OPA1: variants seen among roughly 807,000 people sequenced by gnomAD.
OPA1 encodes dynamin-like GTPase OPA1, mitochondrial.
In OPA1, 59 loss-of-function variants were observed where a neutral mutation model predicts 152.9. The ratio of observed to expected loss-of-function variants is 0.39; its 90% CI spans 0.31 to 0.48. OPA1 has a LOEUF of 0.48. Among genes scored for constraint, OPA1 ranks in the 20% least tolerant of loss-of-function variants. The probability of loss-of-function intolerance (pLI) is 0.96; values close to 1 mark genes in which losing one functional copy is unlikely to be tolerated. For missense variants in OPA1, 1,008 were observed against 1,216.8 expected, an observed-to-expected ratio of 0.83 and a Z score of 2.55; for synonymous variants, 400 against 389.9, an observed-to-expected ratio of 1.03 and a Z score of -0.31.
At chr3:193,651,154 A>G (rs1712335198) in intron 21 of OPA1, among the ~76,000 whole-genome samples, 1 of 152,204 alleles carries the variant, frequency 6.6e-6, no homozygotes, top group South Asian at 2.1e-4. Flanking sequence ...TCAGAAGCTT[A>G]GTGTGTATTC....
At chr3:193,614,560 A>C (rs1011686097) in intron 1 of OPA1, among the ~76,000 whole-genome samples, 163 bp from the exon 2 acceptor site, 2 of 152,224 alleles carry the variant, frequency 1.3e-5, no homozygotes, top group African/African-American at 4.8e-5. Flanking sequence ...TACTGTAACC[A>C]TGTCTGGCAC....
intron 22 of OPA1, among the ~76,000 whole-genome samples, chr3:193,656,722 A>G (rs1011570601): frequency 6.6e-6 from 1 of 152,218 alleles, no homozygotes; most frequent in African/African-American, 2.4e-5. Context: ...CAGCTACAGT[A>G]GGTGGTGTCA....
intron 1 of OPA1, among the ~76,000 whole-genome samples, chr3:193,599,335 C>T (rs1726100847): frequency 6.6e-6 from 1 of 152,132 alleles, no homozygotes; most frequent in African/African-American, 2.4e-5. Context: ...GCCTTCTATG[C>T]CAGCTCCTTG....
intron 29 of OPA1, among the ~76,000 whole-genome samples, chr3:193,688,444 C>CTTTTTTT (rs1560079327): frequency 5.2e-5 from 2 of 38,540 alleles, no homozygotes. Context: ...TGAAATGGGT[C>CTTTTTTT]TTTTCTTTTT....
At chr3:193,648,510 G>A (rs763496153) in intron 20 of OPA1, 1 of 395,596 alleles carries the variant, frequency 2.5e-6, no homozygotes, top group Non-Finnish European at 4.6e-6. Context: ...AGTTACTGAT[G>A]TACTAAATTA....
Position 193,659,496 on chromosome 3 carries a change from G to A in OPA1, c.2455G>A (p.Glu819Lys). 6.2e-7 allele frequency: 1 copy of A among 1,610,572 alleles called. No individual in the cohort carries two copies. Among genetic ancestry groups the A allele is most frequent in the South Asian group, 1.1e-5 (1 of 90,600 alleles). ...TTTTTTTCTAGCTGAAAATGCAATT[G>A]AAAACATGGTGGGTCCAGACTGGAA... ...ARLKDTENAI[E>K]NMVGPDWKKR... is the part of the protein sequence containing the mutation. Residue 819 changes from glutamate (E) to lysine (K), a missense_variant, in exon 25 of 31, where the codon GAA (glutamate) becomes AAA (lysine). Glu to Lys is a moderately conservative substitution (Grantham distance 56, BLOSUM62 1). This residue lies in a region of OPA1 where 229 missense variants were observed against 269.0 expected (regional missense o/e 0.85). Coordinates refer to ENST00000361510, the MANE Select transcript of OPA1 (RefSeq NM_130837.3).
intron 29 of OPA1, among the ~76,000 whole-genome samples, chr3:193,676,842 G>C: frequency 6.6e-6 from 1 of 152,030 alleles, no homozygotes. Flanking sequence ...TTAGCCAGGC[G>C]TGGTGGCGGG....
intron 1 of OPA1, among the ~76,000 whole-genome samples, chr3:193,597,704 AAAAAAG>A (rs1392293742): frequency 5.3e-5 from 8 of 151,666 alleles, no homozygotes; most frequent in Non-Finnish European, 1.0e-4. Flanking sequence ...AAAAAAAAAA[AAAAAAG>A]AAATGGAAAT....
intron 30 of OPA1, among the ~76,000 whole-genome samples, chr3:193,694,386 C>A (rs1722062633): frequency 6.6e-6 from 1 of 152,064 alleles, no homozygotes; most frequent in African/African-American, 2.4e-5. Context: ...TACACAGATT[C>A]TTCTTCAATT....
chr3:193,609,338 T>C (rs1727810275), intron 1 of OPA1, among the ~76,000 whole-genome samples: 1 of 152,250 alleles, frequency 6.6e-6, no homozygotes, highest in South Asian at 2.1e-4. Context: ...TTGAAAATTC[T>C]TTTCTTTAAG....
chr3:193,647,989 G>A lies in OPA1; in HGVS notation c.1871-81G>A. ...CTCTCAGAAATTCAGTTAATACAGAGGATATGTATTTTAACCACTTTAACC... is the reference window on the plus strand; with the variant it reads ...CTCTCAGAAATTCAGTTAATACAGAAGATATGTATTTTAACCACTTTAACC... On this transcript the variant is annotated intron_variant, in intron 19 of 30. Transcript: ENST00000361510. The A allele has an allele frequency of 3.2e-6, 3 of 935,708 alleles. No homozygotes were observed. The East Asian group carries it at 7.3e-5, about 23-fold the overall frequency. 58.0% of individuals were successfully genotyped at this position (935,708 alleles called of 1,614,324 possible). A position where few individuals can be genotyped will look rare whatever the true frequency, so the allele number is the denominator to read the frequency against.
At chr3:193,604,001 A>C (rs1017459274) in intron 1 of OPA1, among the ~76,000 whole-genome samples, 4 of 152,224 alleles carry the variant, frequency 2.6e-5, no homozygotes, top group Non-Finnish European at 5.9e-5. Context: ...ATAAGATGTT[A>C]GTCTACTCAC....
intron 6 of OPA1, among the ~76,000 whole-genome samples, chr3:193,625,054 T>G (rs1730837388): frequency 6.6e-6 from 1 of 152,144 alleles, no homozygotes; most frequent in South Asian, 2.1e-4. Context: ...TTTTTTAGGA[T>G]TTCTAATTAA....
intron 16 of OPA1, among the ~76,000 whole-genome samples, chr3:193,644,588 T>C (rs528908640): frequency 3.2e-4 from 48 of 152,316 alleles, no homozygotes; most frequent in Non-Finnish European, 5.1e-4. Context: ...GCAGGCCTTT[T>C]TAAGGACAGT....
chr3:193,625,668 CTT>C (rs1210877705), intron 6 of OPA1, among the ~76,000 whole-genome samples: 5 of 151,496 alleles, frequency 3.3e-5, no homozygotes, highest in African/African-American at 7.3e-5. Context: ...AAAATACTAA[CTT>C]AAGAATAATA....
chr3:193,613,244 T>C (rs1431967317), intron 1 of OPA1, among the ~76,000 whole-genome samples: 1 of 152,222 alleles, frequency 6.6e-6, no homozygotes, highest in Non-Finnish European at 1.5e-5. Context: ...TGCATACTAC[T>C]CAGGTTTTCC....
chr3:193,647,224 A>T (rs1234094445), intron 19 of OPA1, 44 bp downstream of exon 19: 5 of 1,239,054 alleles, frequency 4.0e-6, no homozygotes, highest in Admixed American at 1.8e-5. Context: ...AAGACATTTT[A>T]TTAGCTGGCA....
At chr3:193,686,593 C>G (rs760513174) in intron 29 of OPA1, among the ~76,000 whole-genome samples, 1 of 151,950 alleles carries the variant, frequency 6.6e-6, no homozygotes, top group Non-Finnish European at 1.5e-5. Flanking sequence ...AGTGTAGTCT[C>G]TTGTTTACCT....
intron 1 of OPA1, among the ~76,000 whole-genome samples, chr3:193,602,731 A>C (rs1201330441): frequency 2.0e-5 from 3 of 152,236 alleles, no homozygotes; most frequent in African/African-American, 7.2e-5. Context: ...GAGGGTAATA[A>C]GGACAATGGT....
Sources: gnomAD v4.1 joint callset for allele counts (sites outside exome capture counted in the v4.1 genomes callset) on GRCh38, gnomAD v4.1.1 for gene constraint, gnomAD v4.1.1 regional missense constraint, MANE v1.5 for transcripts, NCBI Gene and HGNC (gene_info 2026-07-23, HGNC 2026-07-21) for gene names.